Variants in PTHLH observed in about 807,000 individuals in gnomAD.
PTHLH encodes the protein parathyroid hormone-related protein.
A neutral mutation model predicts 18.6 loss-of-function variants in PTHLH; 5 were observed. The ratio of observed to expected loss-of-function variants is 0.27; its 90% CI spans 0.14 to 0.56. The LOEUF (loss-of-function observed/expected upper bound fraction) is 0.56. Ranked by LOEUF, PTHLH falls within the 20% of genes least tolerant of loss-of-function variation. PTHLH has a pLI of 0.92. For missense variants in PTHLH, 207 were observed against 223.9 expected (o/e 0.92, Z 0.48); for synonymous variants, 90 against 94.0 (o/e 0.96, Z 0.25).
rs34525777 is a variant in PTHLH at position 27,958,386 on chromosome 12, C to CA, written c.*172dup. On this transcript the variant is annotated 3_prime_UTR_variant, in exon 6 of 6. Transcript: ENST00000545234. ...ATAATAATAATTGGATTAGCCTTGG[C>CA]AAAAAAAAAATATTCACAATGACCA... 222,599 of 418,710 alleles carry CA rather than the reference C, an allele frequency of 0.53. 47,947 individuals carry two copies. Among genetic ancestry groups the CA allele is most frequent in the African/African-American group, 0.73 (34,643 of 47,176 alleles). The allele number at this position is 418,710 out of a possible 1,614,324, so 25.9% of individuals were successfully genotyped here.
chr12:27,963,651 G>T lies in PTHLH; in HGVS notation c.221C>A (p.Ala74Asp), dbSNP rs775088379. 2 of 1,614,022 alleles carry T rather than the reference G, an allele frequency of 1.2e-6. No individual in the cohort carries two copies. The highest frequency in any genetic ancestry group is 1.7e-6 in the Non-Finnish European group (2 of 1,179,976). ...GGAGTTAGGGGACACCTCCGAGGTA[G>T]CTCTGATTTCAGCTGTGTGGATTTC... ...IAEIHTAEIRATSEVSPNSKP... is the reference protein window; with the variant it reads ...IAEIHTAEIRDTSEVSPNSKP... The change falls in exon 5 of 6, where the codon GCT becomes GAT. Residue 74 changes from alanine to aspartate, a missense_variant. Transcript: ENST00000545234.
At position 27,970,234 on chromosome 12, in the gene PTHLH, G is replaced by A. The variant is rs763597353; in HGVS notation, c.-232C>T. The A allele has an allele frequency of 8.4e-6, 4 of 477,122 alleles. No homozygotes were observed. The highest frequency in any genetic ancestry group is 1.7e-5 in the Non-Finnish European group (4 of 239,974). The allele number at this position is 477,122 out of a possible 1,614,324, so 29.6% of individuals were successfully genotyped here. On this transcript the variant is annotated 5_prime_UTR_variant, in exon 3 of 6. Coordinates refer to ENST00000545234, the MANE Select transcript of PTHLH (RefSeq NM_198965.2). The stretch of plus-strand genomic sequence containing the variant: ...GCAGGTTGGAGGCGAGTTGAAAACC[G>A]AGCGGAGGAATGTTCACACGCTCCG...
intron 5 of PTHLH, among the ~76,000 whole-genome samples, chr12:27,961,276 C>CATATATATATGTATATATATATATAAGT (rs1555124058): frequency 1.9e-5 from 1 of 52,750 alleles, no homozygotes; most frequent in Non-Finnish European, 4.0e-5. Context: ...TTTTATAACT[C>CATATATATATGTATATATATATATAAGT]ATATATATAC....
chr12:27,961,276 CATATATATACGTAT>C (rs1161531877), intron 5 of PTHLH, among the ~76,000 whole-genome samples: 2 of 52,748 alleles, frequency 3.8e-5, no homozygotes, highest in Non-Finnish European at 8.0e-5. Flanking sequence ...TTTTATAACT[CATATATATACGTAT>C]ATATATATAC....
intron 4 of PTHLH, among the ~76,000 whole-genome samples, chr12:27,965,091 A>T (rs1459016023): frequency 6.6e-6 from 1 of 152,222 alleles, no homozygotes. Flanking sequence ...GAAATATGGC[A>T]ATCATAAATA....
intron 4 of PTHLH, 170 bp downstream of exon 4, chr12:27,969,224 C>T: frequency 1.6e-6 from 1 of 624,658 alleles, no homozygotes; most frequent in Non-Finnish European, 2.8e-6. Flanking sequence ...GTTCTCCTGC[C>T]AGGTTTGAGG....
At chr12:27,962,969 GAAGA>G in intron 5 of PTHLH, 1 of 1,137,012 alleles carries the variant, frequency 8.8e-7, no homozygotes, top group Non-Finnish European at 1.1e-6. Context: ...GAAAAACACT[GAAGA>G]AAGTTTGCCC....
At chr12:27,967,887 T>TGTG (rs1382492054) in intron 4 of PTHLH, among the ~76,000 whole-genome samples, 7 of 152,216 alleles carry the variant, frequency 4.6e-5, no homozygotes, top group Non-Finnish European at 8.8e-5. Context: ...ATGCCATAGT[T>TGTG]GTGTATATAA....
At chr12:27,961,307 A>ATATACGTGTG (rs1316280843) in intron 5 of PTHLH, among the ~76,000 whole-genome samples, 11 of 63,234 alleles carry the variant, frequency 1.7e-4, no homozygotes, top group African/African-American at 5.9e-4. Flanking sequence ...ATACGTATAT[A>ATATACGTGTG]TATATATATA....
intron 5 of PTHLH, among the ~76,000 whole-genome samples, chr12:27,960,195 A>G (rs2062742057): frequency 6.6e-6 from 1 of 152,212 alleles, no homozygotes; most frequent in Admixed American, 6.5e-5. Flanking sequence ...ATATGACAGC[A>G]TTTTACAGTC....
chr12:27,963,327 C>A (rs767095241), intron 5 of PTHLH, 21 bp downstream of exon 5: 2 of 1,614,056 alleles, frequency 1.2e-6, no homozygotes, highest in Admixed American at 1.7e-5. Context: ...GCTGAGGCTA[C>A]GGGCCAGAGA....
At chr12:27,961,455 T>C (rs1402913789) in intron 5 of PTHLH, among the ~76,000 whole-genome samples, 1 of 148,178 alleles carries the variant, frequency 6.7e-6, no homozygotes, top group South Asian at 2.1e-4. Flanking sequence ...TTGCAATTTA[T>C]TGAATGTTTA....
chr12:27,964,257 TCTCTCTCTCTC>T (rs1417874590), intron 4 of PTHLH, among the ~76,000 whole-genome samples: 31 of 37,864 alleles, frequency 8.2e-4, no homozygotes, highest in Admixed American at 6.2e-3. Context: ...TCTCTCTCTC[TCTCTCTCTCTC>T]CTCTCTCTCT....
At chr12:27,968,575 C>G (rs2062838219) in intron 4 of PTHLH, among the ~76,000 whole-genome samples, 1 of 152,204 alleles carries the variant, frequency 6.6e-6, no homozygotes, top group Non-Finnish European at 1.5e-5. Context: ...TACTCTATCA[C>G]TCTTCCAAGT....
chr12:27,960,587 G>A (rs1240490276), intron 5 of PTHLH, among the ~76,000 whole-genome samples: 5 of 151,254 alleles, frequency 3.3e-5, no homozygotes, highest in Non-Finnish European at 7.4e-5. Flanking sequence ...GCATGGTGGC[G>A]GGTGCCTGCA....
chr12:27,961,870 G>C (rs766641488), intron 5 of PTHLH: 7 of 674,548 alleles, frequency 1.0e-5, no homozygotes, highest in Non-Finnish European at 1.8e-5. Flanking sequence ...AATCCTATCT[G>C]TAGCAGAGTC....
chr12:27,966,435 T>A (rs1405421153), intron 4 of PTHLH, among the ~76,000 whole-genome samples: 5 of 152,244 alleles, frequency 3.3e-5, no homozygotes, highest in Non-Finnish European at 7.3e-5. Context: ...TTGTGAAGAA[T>A]GAATCTCTCA....
At chr12:27,958,632 A>T in intron 5 of PTHLH, 64 bp from the exon 6 acceptor site, 1 of 1,448,332 alleles carries the variant, frequency 6.9e-7, no homozygotes, top group Non-Finnish European at 9.4e-7. Flanking sequence ...AAATGAAAAC[A>T]TAAAATATAA....
intron 4 of PTHLH, among the ~76,000 whole-genome samples, chr12:27,964,112 G>C (rs777871806): frequency 6.6e-6 from 1 of 152,084 alleles, no homozygotes; most frequent in African/African-American, 2.4e-5. Flanking sequence ...ATATGATTCA[G>C]TTATGATCAG....
Sources: gnomAD v4.1 joint callset for allele counts (sites outside exome capture counted in the v4.1 genomes callset) on GRCh38, gnomAD v4.1.1 for gene constraint, MANE v1.5 for transcripts, NCBI Gene and HGNC (gene_info 2026-07-23, HGNC 2026-07-21) for gene names.